Variants in FGD6 observed in about 807,000 individuals in gnomAD.
FGD6 encodes the protein FYVE, RhoGEF and PH domain containing 6.
A neutral mutation model predicts 149.4 loss-of-function variants in FGD6; 90 were observed. The ratio of observed to expected loss-of-function variants is 0.60; its 90% CI spans 0.51 to 0.72. The LOEUF is 0.72. Ranked by LOEUF, FGD6 falls within the 30% of genes least tolerant of loss-of-function variation. FGD6 has a pLI of 0.00. For missense variants in FGD6, 1,437 were observed against 1,684.8 expected (o/e 0.85, Z 2.57); for synonymous variants, 527 against 584.0 (o/e 0.90, Z 1.41).
chr12:95,148,006 G>C (rs183150699), intron 5 of FGD6, among the ~76,000 whole-genome samples: 194 of 152,144 alleles, frequency 1.3e-3, no homozygotes, highest in Non-Finnish European at 2.1e-3. Flanking sequence ...CCAAACCAAG[G>C]TAGGGAAAAC....
At chr12:95,092,984 G>T in intron 15 of FGD6, 139 bp from the exon 16 acceptor site, 2 of 934,960 alleles carry the variant, frequency 2.1e-6, no homozygotes, top group South Asian at 1.7e-5. Context: ...ATTTTGGGAG[G>T]CCGAGTCGAG....
chr12:95,146,358 G>A (rs1005036311), intron 5 of FGD6, among the ~76,000 whole-genome samples: 1 of 152,156 alleles, frequency 6.6e-6, no homozygotes, highest in African/African-American at 2.4e-5. Flanking sequence ...AAAGTGTGAT[G>A]ACACTTAAAA....
chr12:95,150,884 C>G (rs7308406), intron 5 of FGD6, among the ~76,000 whole-genome samples: 72,521 of 151,768 alleles, frequency 0.48, 17,626 homozygotes, highest in Middle Eastern at 0.62. Flanking sequence ...GCAGATTGCT[C>G]AGGAGTTCGA....
In FGD6 at chr12:95,091,697, T is replaced by TA. The variant is rs781704946; in HGVS notation, c.3850+9dup. The TA allele has an allele frequency of 1.2e-6, 2 of 1,605,326 alleles. No individual in the cohort carries two copies. Among genetic ancestry groups the TA allele is most frequent in the Admixed American group, 3.4e-5 (2 of 59,178 alleles). ...AGGAATTTTTGGTTAAATCCTTACTTATATATTACCTAATTTCTGCAGTTC... is the reference window on the plus strand; with the variant it reads ...AGGAATTTTTGGTTAAATCCTTACTTAATATATTACCTAATTTCTGCAGTTC... On this transcript the variant is annotated intron_variant, in intron 17 of 20. Transcript: ENST00000343958.
rs148927507 is a variant in FGD6 at position 95,182,860 on chromosome 12, T to C, written c.2442-10116A>G. Among the ~76,000 whole-genome samples the C allele has an allele frequency of 9.3e-4, 142 of 152,310 alleles. 1 individual carries two copies. The highest frequency in any genetic ancestry group is 3.4e-3 in the African/African-American group (142 of 41,574). On this transcript the variant is annotated intron_variant, in intron 2 of 20. Transcript: ENST00000343958. ...GGGGCAAGACTGGTTAGTAAGTTAG[T>C]AGAAAAAACAGCTCATCCTTTGACT...
intron 8 of FGD6, among the ~76,000 whole-genome samples, chr12:95,119,733 C>T (rs1879130509): frequency 6.6e-6 from 1 of 152,136 alleles, no homozygotes; most frequent in Admixed American, 6.5e-5. Context: ...GAGTTTGAGA[C>T]CCGCCTTGCC....
chr12:95,203,770 T>C (rs1217606563), intron 2 of FGD6, among the ~76,000 whole-genome samples: 1 of 152,216 alleles, frequency 6.6e-6, no homozygotes, highest in East Asian at 1.9e-4. Context: ...TAAGAACAAA[T>C]TGAAACAACA....
chr12:95,214,532 G>C (rs955590854), intron 1 of FGD6, among the ~76,000 whole-genome samples: 2 of 152,066 alleles, frequency 1.3e-5, no homozygotes, highest in African/African-American at 4.8e-5. Flanking sequence ...ATGACATTTG[G>C]CAATAAATCT....
At chr12:95,139,790 T>C (rs1879790068) in intron 6 of FGD6, among the ~76,000 whole-genome samples, 1 of 151,760 alleles carries the variant, frequency 6.6e-6, no homozygotes, top group Admixed American at 6.6e-5. Flanking sequence ...GCATCTGCCA[T>C]CATGTCTGGC....
Position 95,139,629 on chromosome 12 carries a change from C to T in FGD6, c.2837+1759G>A, listed in dbSNP as rs186107095. On this transcript the variant is annotated intron_variant, in intron 6 of 20. Coordinates refer to ENST00000343958, the MANE Select transcript of FGD6 (RefSeq NM_018351.4). ...GGGATTAAAGGTGTGAGCCACAGCGCCCAGCCAGTTATATTTTATTTCTAT... is the reference window on the plus strand; with the variant it reads ...GGGATTAAAGGTGTGAGCCACAGCGTCCAGCCAGTTATATTTTATTTCTAT... Among the ~76,000 whole-genome samples, 131 of 151,626 alleles carry T rather than the reference C, an allele frequency of 8.6e-4. 1 individual carries two copies. The highest frequency in any genetic ancestry group is 3.4e-3 in the Admixed American group (51 of 15,178).
At chr12:95,148,514 TTATATTA>T (rs1399115515) in intron 5 of FGD6, among the ~76,000 whole-genome samples, 1 of 116,600 alleles carries the variant, frequency 8.6e-6, no homozygotes, top group South Asian at 2.6e-4. Flanking sequence ...ATAGCATATA[TTATATTA>T]TATATTATAT....
intron 2 of FGD6, among the ~76,000 whole-genome samples, chr12:95,195,454 A>T (rs979039167): frequency 6.6e-6 from 1 of 151,960 alleles, no homozygotes; most frequent in African/African-American, 2.4e-5. Context: ...GCAGGAAACA[A>T]GCGATGAAAG....
intron 2 of FGD6, among the ~76,000 whole-genome samples, chr12:95,178,055 G>A (rs376568816): frequency 1.4e-4 from 22 of 151,730 alleles, no homozygotes; most frequent in East Asian, 9.7e-4. Context: ...ATGAGCCACC[G>A]TGCCTAAAAA....
intron 8 of FGD6, chr12:95,116,751 TCCATCCATCCATCCATCAAC>T (rs1251105010): frequency 2.3e-6 from 1 of 442,696 alleles, no homozygotes; most frequent in African/African-American, 2.0e-5. Flanking sequence ...AACTTATCCA[TCCATCCATCCATCCATCAAC>T]CCATCCATCC....
Position 95,105,789 on chromosome 12 carries a change from G to A in FGD6, c.3418-703C>T, listed in dbSNP as rs951499892. Among the ~76,000 whole-genome samples, 16 of 152,134 alleles carry A rather than the reference G, an allele frequency of 1.1e-4. No individual in the cohort carries two copies. The South Asian group carries it at 2.5e-3, about 24-fold the overall frequency. On this transcript the variant is annotated intron_variant, in intron 13 of 20. Coordinates refer to ENST00000343958, the MANE Select transcript of FGD6 (RefSeq NM_018351.4). ...CTGTAATCTCAGCACTTTGGGATGC[G>A]ACGGTGGGTGGATCACTTGAGGTCA... is the stretch of plus-strand genomic sequence containing the variant.
intron 3 of FGD6, among the ~76,000 whole-genome samples, chr12:95,164,768 T>G (rs7487993): frequency 0.87 from 132,797 of 152,092 alleles, 58,334 homozygotes; most frequent in African/African-American, 0.96. Context: ...AAAAGGCCTC[T>G]TCTATCCTAC....
intron 20 of FGD6, 112 bp from the exon 21 acceptor site, chr12:95,081,668 GATAT>G: frequency 2.8e-6 from 1 of 350,912 alleles, no homozygotes; most frequent in Non-Finnish European, 4.9e-6. Flanking sequence ...ACATAGGTAA[GATAT>G]ATATATATAT....
chr12:95,188,745 TTC>T (rs1881513172), intron 2 of FGD6, among the ~76,000 whole-genome samples: 1 of 152,124 alleles, frequency 6.6e-6, no homozygotes, highest in Non-Finnish European at 1.5e-5. Flanking sequence ...AAAATCCCCA[TTC>T]TCTCTTCTCC....
Position 95,172,695 on chromosome 12 carries a change from G to T in FGD6, c.2491C>A (p.Pro831Thr). Reference protein sequence around the residue: ...EQNDLGLGDLPSDEEEIINSS... With the variant: ...EQNDLGLGDLTSDEEEIINSS... ...TTGATGATTTCCTCCTCATCAGAGG[G>T]AAGGTCACCAAGACCAAGATCATTC... Residue 831 changes from proline (P) to threonine (T), a missense_variant, in exon 3 of 21, where the codon CCC (proline) becomes ACC (threonine). Coordinates refer to ENST00000343958, the MANE Select transcript of FGD6 (RefSeq NM_018351.4). 6.2e-7 allele frequency: 1 copy of T among 1,612,762 alleles called. No individual in the cohort carries two copies. The highest frequency in any genetic ancestry group is 2.2e-5 in the East Asian group (1 of 44,852).
Sources: allele counts gnomAD v4.1 joint callset (sites outside exome capture counted in the v4.1 genomes callset), GRCh38; gene constraint gnomAD v4.1.1; transcripts MANE v1.5; gene names NCBI Gene and HGNC (gene_info 2026-07-23, HGNC 2026-07-21).